SPG11: variants seen among roughly 807,000 people sequenced by gnomAD.
SPG11 encodes spatacsin.
Under a neutral mutation model 274.0 loss-of-function variants are expected in SPG11, and 222 were observed. The ratio of observed to expected loss-of-function variants is 0.81; its 90% confidence interval spans 0.73 to 0.91. SPG11 has a LOEUF of 0.91. SPG11 is among the 40% of genes least tolerant of loss of function. The pLI, the probability that SPG11 is intolerant of heterozygous loss-of-function variation, is 0.00. For missense variants in SPG11, 3,114 were observed against 2,872.7 expected, an observed-to-expected ratio of 1.08 and a Z score of -1.92; for synonymous variants, 1,144 against 1,039.7, an observed-to-expected ratio of 1.10 and a Z score of -1.93.
rs374800637 is a variant in SPG11, at chr15:44,633,471, T to C, written c.1735+34A>G. 81 of 1,523,054 alleles carry C rather than the reference T, an allele frequency of 5.3e-5. No homozygotes were observed. The African/African-American group carries it at 6.2e-4, about 12-fold the overall frequency. 94.3% of individuals were successfully genotyped at this position (1,523,054 alleles called of 1,614,324 possible). ...GAAAGTTATTAAGAAGATCAAATGA[T>C]AAATACAAATGTAGAAATCTTTATT... On this transcript the variant is annotated intron_variant, in intron 8 of 39. Transcript: ENST00000261866.
chr15:44,568,836 A>T (rs2082358833), intron 35 of SPG11, among the ~76,000 whole-genome samples: 1 of 152,158 alleles, frequency 6.6e-6, no homozygotes, highest in African/African-American at 2.4e-5. Flanking sequence ...TAGAGGCAGG[A>T]GACAGAGGCT....
intron 30 of SPG11, among the ~76,000 whole-genome samples, 192 bp downstream of exon 30, chr15:44,583,621 CA>C (rs1189951746): frequency 1.3e-5 from 2 of 152,146 alleles, no homozygotes; most frequent in Non-Finnish European, 2.9e-5. Flanking sequence ...AACTTTGAAA[CA>C]TAGCTAGTTT....
chr15:44,591,223 G>A (rs996251005), intron 27 of SPG11, among the ~76,000 whole-genome samples: 1 of 152,182 alleles, frequency 6.6e-6, no homozygotes, highest in Non-Finnish European at 1.5e-5. Flanking sequence ...AAGAACACTG[G>A]TAGTCAGCTC....
chr15:44,564,833 C>G, intron 38 of SPG11, 135 bp from the exon 39 acceptor site: 1 of 999,128 alleles, frequency 1.0e-6, no homozygotes, highest in East Asian at 2.6e-5. Context: ...TTAAAAGGCT[C>G]TATGTATCAG....
At chr15:44,633,441 A>G in intron 8 of SPG11, 64 bp downstream of exon 8, 1 of 1,391,116 alleles carries the variant, frequency 7.2e-7, no homozygotes, top group South Asian at 1.3e-5. Context: ...ACAACATCAT[A>G]CTTTGAAAGT....
chr15:44,576,171 C>G (rs149312550), intron 30 of SPG11, among the ~76,000 whole-genome samples: 2,604 of 131,796 alleles, frequency 0.02, 101 homozygotes, highest in African/African-American at 0.068. Flanking sequence ...AAAAAAAGCT[C>G]TTAGCTTAAA....
At chr15:44,567,841 A>G (rs1055652832) in intron 35 of SPG11, among the ~76,000 whole-genome samples, 1 of 152,232 alleles carries the variant, frequency 6.6e-6, no homozygotes. Context: ...GCATAAGCTG[A>G]TCTAACAATT....
rs908048525 is a variant in SPG11 at position 44,604,931 on chromosome 15, C to CAAAAAAAAAAA, written c.3520+1083_3520+1093dup. Among the ~76,000 whole-genome samples the CAAAAAAAAAAA allele has an allele frequency of 9.8e-4, 22 of 22,496 alleles. 3 individuals are homozygous for CAAAAAAAAAAA. Among genetic ancestry groups the CAAAAAAAAAAA allele is most frequent in the African/African-American group, 4.3e-3 (22 of 5,132 alleles). 14.8% of individuals were successfully genotyped at this position (22,496 alleles called of 152,430 possible). A position where few individuals can be genotyped will look rare whatever the true frequency, so the allele number is the denominator to read the frequency against. On this transcript the variant is annotated intron_variant, in intron 20 of 39. Transcript: ENST00000261866. ...CCTGGGCGGAACAAGACTCCATCTC[C>CAAAAAAAAAAA]AAAAAAAAAAAAAAAAAAAAAAAAA...
intron 7 of SPG11, among the ~76,000 whole-genome samples, chr15:44,642,364 C>CAAAA (rs36011354): frequency 6.8e-5 from 3 of 44,320 alleles, no homozygotes; most frequent in Admixed American, 2.9e-4. Flanking sequence ...GACTCCATCT[C>CAAAA]AAAAAAAAAA....
intron 11 of SPG11, among the ~76,000 whole-genome samples, chr15:44,624,332 GA>G (rs377035983): frequency 0.064 from 8,885 of 139,856 alleles, 411 homozygotes; most frequent in African/African-American, 0.14. Flanking sequence ...TACAAAAAAA[GA>G]AAAAAAAAAG....
chr15:44,578,625 G>A (rs1206971147), intron 30 of SPG11, among the ~76,000 whole-genome samples: 1 of 152,150 alleles, frequency 6.6e-6, no homozygotes, highest in Non-Finnish European at 1.5e-5. Context: ...AAGTAGCACA[G>A]ATCACTACCA....
chr15:44,565,996 C>G lies in SPG11; in HGVS notation c.6857G>C (p.Arg2286Pro), dbSNP rs370773328. ...AESYAKDSCVRQAQHCQRLTK... is the reference protein window; with the variant it reads ...AESYAKDSCVPQAQHCQRLTK... ...GAGCCGCTGACAGTGCTGGGCCTGTCGCACACAGGAGTCCTGAGGAACAAG... is the reference window on the plus strand; with the variant it reads ...GAGCCGCTGACAGTGCTGGGCCTGTGGCACACAGGAGTCCTGAGGAACAAG... The change falls in exon 38 of 40, where the codon CGA becomes CCA. Residue 2286 changes from arginine to proline, a missense_variant. Transcript: ENST00000261866. The G allele has an allele frequency of 3.7e-6, 6 of 1,613,552 alleles. No homozygotes were observed. The highest frequency in any genetic ancestry group is 1.3e-5 in the African/African-American group (1 of 74,866).
rs572582616 is a variant in SPG11 at position 44,563,345 on chromosome 15, G to A, written c.7152-44C>T. 7 of 1,565,350 alleles carry A rather than the reference G, an allele frequency of 4.5e-6. No homozygotes were observed. The South Asian group carries it at 5.6e-5, about 12-fold the overall frequency. On this transcript the variant is annotated intron_variant, in intron 39 of 39. Coordinates refer to ENST00000261866, the MANE Select transcript of SPG11 (RefSeq NM_025137.4). ...TGTACAGGTTAAGATACTGTTTTTTGTTTTGTTTTGTTTGAGACAGTCTTA... is the reference window on the plus strand; with the variant it reads ...TGTACAGGTTAAGATACTGTTTTTTATTTTGTTTTGTTTGAGACAGTCTTA...
At chr15:44,583,708 C>T (rs1339487625) in intron 30 of SPG11, 106 bp downstream of exon 30, 116 of 1,486,322 alleles carry the variant, frequency 7.8e-5, no homozygotes, top group Non-Finnish European at 1.0e-4. Context: ...AAGTTGTTGT[C>T]CCCTTAACTT....
Position 44,599,166 on chromosome 15 carries a change from A to G in SPG11, c.3687-330T>C, listed in dbSNP as rs553247152. On this transcript the variant is annotated intron_variant, in intron 21 of 39. Coordinates refer to ENST00000261866, the MANE Select transcript of SPG11 (RefSeq NM_025137.4). ...GTGATCTTATCAATTATGAGTACGT[A>G]TACAAACTACGAAGAATATCAATGC... Among the ~76,000 whole-genome samples, 45 of 152,350 alleles carry G rather than the reference A, an allele frequency of 3.0e-4. 1 individual carries two copies. The South Asian group carries it at 5.2e-3, about 18-fold the overall frequency.
intron 39 of SPG11, among the ~76,000 whole-genome samples, chr15:44,563,806 TTGAG>T (rs1163058688): frequency 2.6e-5 from 4 of 152,126 alleles, no homozygotes. Context: ...ATACTGTATT[TTGAG>T]TGAGGGCTGT....
intron 34 of SPG11, among the ~76,000 whole-genome samples, chr15:44,570,218 T>C (rs2082392487): frequency 6.6e-6 from 1 of 152,158 alleles, no homozygotes; most frequent in South Asian, 2.1e-4. Context: ...AAACCTTGTT[T>C]TGGGGAAAAA....
At chr15:44,568,592 C>T (rs1308345255) in intron 35 of SPG11, among the ~76,000 whole-genome samples, 2 of 152,212 alleles carry the variant, frequency 1.3e-5, no homozygotes, top group East Asian at 3.8e-4. Context: ...AAGACTTAAA[C>T]AAGTCAGGCC....
intron 28 of SPG11, among the ~76,000 whole-genome samples, chr15:44,587,928 A>G (rs1032949388): frequency 2.0e-5 from 3 of 152,144 alleles, no homozygotes; most frequent in African/African-American, 7.2e-5. Flanking sequence ...GAAAACACCT[A>G]TATGTTAAAA....
Sources: allele counts gnomAD v4.1 joint callset (sites outside exome capture counted in the v4.1 genomes callset), GRCh38; gene constraint gnomAD v4.1.1; transcripts MANE v1.5; gene names NCBI Gene and HGNC (gene_info 2026-07-23, HGNC 2026-07-21).